The following LRFN2 variants were observed in gnomAD, a reference collection of about 807,000 sequenced individuals.
LRFN2 encodes leucine rich repeat and fibronectin type III domain containing 2, also known as leucine-rich repeat and fibronectin type-III domain-containing protein 2.
A neutral mutation model predicts 37.3 loss-of-function variants in LRFN2; 18 were observed. The observed-to-expected ratio is 0.48, with a 90% CI of 0.33 to 0.72. The LOEUF is 0.72. LRFN2 is among the 30% of genes least tolerant of loss of function. The pLI, the probability that LRFN2 is intolerant of heterozygous loss-of-function variation, is 0.02. For missense variants in LRFN2, 1,006 were observed against 1,060.7 expected (o/e 0.95, Z 0.72); for synonymous variants, 556 against 466.6 (o/e 1.19, Z -2.47).
At chr6:40,409,278 C>A (rs1264689135) in intron 2 of LRFN2, among the ~76,000 whole-genome samples, 2 of 152,182 alleles carry the variant, frequency 1.3e-5, no homozygotes, top group Non-Finnish European at 2.9e-5. Context: ...CCTGTATCGA[C>A]CCCCAGGGTG....
intron 1 of LRFN2, among the ~76,000 whole-genome samples, chr6:40,531,670 C>T (rs1766345036): frequency 6.6e-6 from 1 of 152,084 alleles, no homozygotes; most frequent in Non-Finnish European, 1.5e-5. Flanking sequence ...GTTTATGAGG[C>T]CGATTCCCAT....
chr6:40,427,680 C>T (rs1239382418), intron 2 of LRFN2, among the ~76,000 whole-genome samples: 1 of 152,202 alleles, frequency 6.6e-6, no homozygotes, highest in Non-Finnish European at 1.5e-5. Flanking sequence ...AAAGTCTTTC[C>T]AGAGTTGTAT....
At chr6:40,547,046 C>G (rs1042536712) in intron 1 of LRFN2, among the ~76,000 whole-genome samples, 3 of 150,870 alleles carry the variant, frequency 2.0e-5, no homozygotes, top group Non-Finnish European at 4.4e-5. Flanking sequence ...CTGCAGCTAT[C>G]ATATTTTACG....
At chr6:40,531,745 C>T (rs1270311483) in intron 1 of LRFN2, among the ~76,000 whole-genome samples, 2 of 152,126 alleles carry the variant, frequency 1.3e-5, no homozygotes, top group Admixed American at 6.5e-5. Context: ...TCTCCATCTC[C>T]ACTACCACTG....
chr6:40,514,292 C>T (rs796977006), intron 1 of LRFN2, among the ~76,000 whole-genome samples: 12 of 152,246 alleles, frequency 7.9e-5, no homozygotes, highest in African/African-American at 2.6e-4. Flanking sequence ...GTATGTAATA[C>T]ATATGTTATA....
chr6:40,470,280 G>T (rs1764562838), intron 1 of LRFN2, among the ~76,000 whole-genome samples: 1 of 152,196 alleles, frequency 6.6e-6, no homozygotes, highest in East Asian at 1.9e-4. Flanking sequence ...AACCCACAGA[G>T]AAATGGAGCC....
chr6:40,456,055 G>A (rs918346848), intron 1 of LRFN2, among the ~76,000 whole-genome samples: 8 of 152,212 alleles, frequency 5.3e-5, no homozygotes, highest in South Asian at 2.1e-4. Context: ...GGAGAGACCC[G>A]CAGGTTGACA....
chr6:40,443,162 A>G (rs1167259952), intron 1 of LRFN2, among the ~76,000 whole-genome samples: 1 of 152,172 alleles, frequency 6.6e-6, no homozygotes, highest in Admixed American at 6.5e-5. Context: ...GGTACCGGCA[A>G]GGTTTGGTCT....
At chr6:40,531,605 C>T (rs953548693) in intron 1 of LRFN2, among the ~76,000 whole-genome samples, 1 of 151,998 alleles carries the variant, frequency 6.6e-6, no homozygotes, top group African/African-American at 2.4e-5. Flanking sequence ...TTCGTTGCCC[C>T]CTCCCTCCCT....
At chr6:40,497,334 C>T (rs745867415) in intron 1 of LRFN2, among the ~76,000 whole-genome samples, 1 of 152,136 alleles carries the variant, frequency 6.6e-6, no homozygotes, top group Admixed American at 6.5e-5. Context: ...CAACCAGGCC[C>T]AACCTGTTGC....
At chr6:40,577,314 C>G (rs757701776) in intron 1 of LRFN2, among the ~76,000 whole-genome samples, 3 of 151,996 alleles carry the variant, frequency 2.0e-5, no homozygotes, top group Admixed American at 6.5e-5. Flanking sequence ...GTTGCCCAGG[C>G]TGGTCTCGAA....
At chr6:40,578,901 G>A (rs1767342355) in intron 1 of LRFN2, among the ~76,000 whole-genome samples, 1 of 152,178 alleles carries the variant, frequency 6.6e-6, no homozygotes. Flanking sequence ...TGCAGGCACA[G>A]GTACACACAT....
rs573763953 is a variant in LRFN2, at chr6:40,562,813, G to A, written c.-19+24128C>T. 6.7e-5 allele frequency among the ~76,000 whole-genome samples: 10 copies of A among 149,838 alleles called. No individual in the cohort carries two copies. The South Asian group carries it at 1.3e-3, about 19-fold the overall frequency. ...GGTACATGCAAAGGCACATGTGAGC[G>A]TGCTTATGTGCGTGCACTCACTCAC... On this transcript the variant is annotated intron_variant, in intron 1 of 2. Coordinates refer to ENST00000338305, the MANE Select transcript of LRFN2 (RefSeq NM_020737.3).
chr6:40,423,418 G>A (rs1437800909), intron 2 of LRFN2, among the ~76,000 whole-genome samples: 1 of 152,268 alleles, frequency 6.6e-6, no homozygotes, highest in African/African-American at 2.4e-5. Context: ...CCAGTATGCC[G>A]CTGTTAACTA....
intron 1 of LRFN2, among the ~76,000 whole-genome samples, chr6:40,570,166 C>T (rs1462030764): frequency 6.6e-6 from 1 of 152,222 alleles, no homozygotes; most frequent in Admixed American, 6.5e-5. Flanking sequence ...ACCATTCTCT[C>T]TCTAACCAAC....
intron 1 of LRFN2, among the ~76,000 whole-genome samples, chr6:40,576,330 G>GGA (rs1290458276): frequency 6.8e-6 from 1 of 147,124 alleles, no homozygotes; most frequent in Non-Finnish European, 1.5e-5. Flanking sequence ...CAAGACAGAT[G>GGA]GAGAGAGAGA....
At chr6:40,473,517 C>T (rs1764647386) in intron 1 of LRFN2, among the ~76,000 whole-genome samples, 1 of 152,180 alleles carries the variant, frequency 6.6e-6, no homozygotes, top group African/African-American at 2.4e-5. Context: ...GCTATAGATA[C>T]TAATTCATTA....
At chr6:40,472,066 C>A (rs868208384) in intron 1 of LRFN2, among the ~76,000 whole-genome samples, 1 of 152,176 alleles carries the variant, frequency 6.6e-6, no homozygotes, top group Non-Finnish European at 1.5e-5. Flanking sequence ...AACATGAGCT[C>A]CCCGGTGTGT....
chr6:40,544,353 C>T (rs1766614929), intron 1 of LRFN2, among the ~76,000 whole-genome samples: 1 of 152,222 alleles, frequency 6.6e-6, no homozygotes, highest in South Asian at 2.1e-4. Flanking sequence ...AGCATGAATT[C>T]TCAGTGTCAC....
Sources: gnomAD v4.1 joint callset for allele counts (sites outside exome capture counted in the v4.1 genomes callset) on GRCh38, gnomAD v4.1.1 for gene constraint, MANE v1.5 for transcripts, NCBI Gene and HGNC (gene_info 2026-07-23, HGNC 2026-07-21) for gene names.